The following CAMTA1 variants were observed in gnomAD, a reference collection of about 807,000 sequenced individuals.
The protein encoded by CAMTA1 is calmodulin binding transcription activator 1, also known as calmodulin-binding transcription activator 1.
Under a neutral mutation model 170.9 loss-of-function variants are expected in CAMTA1, and 27 were observed. The observed-to-expected ratio is 0.16, with a 90% confidence interval of 0.12 to 0.22. The LOEUF is 0.22. Among genes scored for constraint, CAMTA1 ranks in the 10% least tolerant of loss-of-function variants. The pLI, the probability that CAMTA1 is intolerant of heterozygous loss-of-function variation, is 1.00. For missense variants in CAMTA1, 1,619 were observed against 2,217.2 expected (o/e 0.73, Z 5.42); for synonymous variants, 833 against 891.5 (o/e 0.93, Z 1.17).
At chr1:7,282,443 G>A (rs1203889682) in intron 5 of CAMTA1, among the ~76,000 whole-genome samples, 2 of 152,196 alleles carry the variant, frequency 1.3e-5, no homozygotes, top group East Asian at 3.8e-4. Flanking sequence ...CAGGCCAGCA[G>A]GGACCAGCGA....
chr1:6,871,943 G>A (rs1668512145), intron 3 of CAMTA1: 1 of 1,330,838 alleles, frequency 7.5e-7, no homozygotes, highest in African/African-American at 1.5e-5. Flanking sequence ...CTCAAATAGA[G>A]ATACCCCTTT....
intron 5 of CAMTA1, among the ~76,000 whole-genome samples, chr1:7,253,790 G>A (rs942925966): frequency 6.6e-6 from 1 of 152,076 alleles, no homozygotes; most frequent in Non-Finnish European, 1.5e-5. Context: ...CGGGGTACTC[G>A]GGTGGGGCCT....
In CAMTA1 at chr1:7,455,081, T is replaced by G. The variant is rs1394353222; in HGVS notation, c.439-12749T>G. On this transcript the variant is annotated intron_variant, in intron 5 of 22. Coordinates refer to ENST00000303635, the MANE Select transcript of CAMTA1 (RefSeq NM_015215.4). The surrounding 1 kb of genome is among the most constrained non-coding windows in gnomAD (Gnocchi z 5.0). ...GCCCTGGGGGCATCCAGGGCCGGCC[T>G]GGCTGGGGCAGCGCATCTGCAGGTG... is the stretch of plus-strand genomic sequence containing the variant. Among the ~76,000 whole-genome samples the G allele has an allele frequency of 1.3e-5, 2 of 152,166 alleles. No homozygotes were observed. The highest frequency in any genetic ancestry group is 3.9e-4 in the East Asian group (2 of 5,176).
intron 4 of CAMTA1, among the ~76,000 whole-genome samples, chr1:7,175,849 A>G (rs1310972137): frequency 6.6e-6 from 1 of 152,226 alleles, no homozygotes; most frequent in African/African-American, 2.4e-5. Flanking sequence ...GCCTGAAGCC[A>G]TGTGGGTTTC....
Position 7,455,536 on chromosome 1 carries a change from G to A in CAMTA1, c.439-12294G>A, listed in dbSNP as rs1369236281. Among the ~76,000 whole-genome samples the A allele has an allele frequency of 2.0e-5, 3 of 152,172 alleles. No homozygotes were observed. Among genetic ancestry groups the A allele is most frequent in the East Asian group, 1.9e-4 (1 of 5,186 alleles). The stretch of plus-strand genomic sequence containing the variant: ...TAACATAGCCACAGACCGGCCCGGC[G>A]TTTCCCTCCACCTGCTTCATAAGCA... On this transcript the variant is annotated intron_variant, in intron 5 of 22. Transcript: ENST00000303635. The surrounding 1 kb of genome is among the most constrained non-coding windows in gnomAD (Gnocchi z 5.0).
chr1:7,655,777 G>A (rs188730180), intron 7 of CAMTA1, among the ~76,000 whole-genome samples: 6 of 152,140 alleles, frequency 3.9e-5, no homozygotes, highest in South Asian at 4.2e-4. Flanking sequence ...ACCTATACAC[G>A]CGCACCTGTA....
intron 5 of CAMTA1, among the ~76,000 whole-genome samples, chr1:7,379,752 T>C (rs1364824530): frequency 2.0e-5 from 3 of 152,232 alleles, no homozygotes; most frequent in Non-Finnish European, 4.4e-5. Context: ...ACTGTCTTTG[T>C]TTCTGACACC....
At chr1:7,477,745 C>A (rs572400298) in intron 6 of CAMTA1, among the ~76,000 whole-genome samples, 2 of 152,314 alleles carry the variant, frequency 1.3e-5, no homozygotes, top group South Asian at 4.1e-4. Flanking sequence ...TCAGAGGGTC[C>A]CCTTGCAGGC....
At chr1:7,117,606 T>TC (rs1308710427) in intron 4 of CAMTA1, among the ~76,000 whole-genome samples, 1 of 151,966 alleles carries the variant, frequency 6.6e-6, no homozygotes, top group African/African-American at 2.4e-5. Flanking sequence ...AATAACTGGC[T>TC]CCCCCCTAGT....
chr1:6,921,069 A>G (rs1372674618), intron 3 of CAMTA1, among the ~76,000 whole-genome samples: 1 of 152,226 alleles, frequency 6.6e-6, no homozygotes, highest in Non-Finnish European at 1.5e-5. Context: ...TTTCTTTTCA[A>G]TTGCATTGCA....
intron 3 of CAMTA1, among the ~76,000 whole-genome samples, chr1:6,953,680 G>A (rs1327811338): frequency 6.6e-6 from 1 of 152,166 alleles, no homozygotes; most frequent in East Asian, 1.9e-4. Context: ...ATATAAGATG[G>A]AAAAACCCAA....
At chr1:7,210,777 C>T (rs1040987326) in intron 4 of CAMTA1, among the ~76,000 whole-genome samples, 1 of 152,150 alleles carries the variant, frequency 6.6e-6, no homozygotes, top group South Asian at 2.1e-4. Flanking sequence ...CGTTTATACC[C>T]ATATGGACTC....
chr1:7,132,857 T>C (rs1243911693), intron 4 of CAMTA1, among the ~76,000 whole-genome samples: 1 of 152,234 alleles, frequency 6.6e-6, no homozygotes, highest in East Asian at 1.9e-4. Flanking sequence ...TCTGTACCTA[T>C]TGACGTGATC....
intron 4 of CAMTA1, among the ~76,000 whole-genome samples, chr1:7,190,726 A>G (rs550450595): frequency 6.6e-6 from 1 of 152,344 alleles, no homozygotes; most frequent in East Asian, 1.9e-4. Flanking sequence ...ATCCTCAATC[A>G]TGGGGCCACA....
At chr1:6,796,714 C>G (rs897891061) in intron 1 of CAMTA1, among the ~76,000 whole-genome samples, 1 of 152,090 alleles carries the variant, frequency 6.6e-6, no homozygotes, top group East Asian at 1.9e-4. Context: ...ACTCGTGTAG[C>G]TGTTGACTCC....
intron 3 of CAMTA1, among the ~76,000 whole-genome samples, chr1:6,910,561 TG>T (rs1268474539): frequency 6.6e-6 from 1 of 152,172 alleles, no homozygotes; most frequent in Non-Finnish European, 1.5e-5. Context: ...AAAATGCTAA[TG>T]TAACTTGACT....
chr1:7,628,502 C>T (rs912419493), intron 6 of CAMTA1, among the ~76,000 whole-genome samples: 3 of 152,224 alleles, frequency 2.0e-5, no homozygotes, highest in African/African-American at 4.8e-5. Flanking sequence ...CCATGAGCCA[C>T]GTGGCCGTGA....
At chr1:7,109,719 C>T (rs17030322) in intron 4 of CAMTA1, among the ~76,000 whole-genome samples, 23,801 of 152,124 alleles carry the variant, frequency 0.16, 2,452 homozygotes, top group African/African-American at 0.29. Context: ...ACAGTAAAAA[C>T]GGGCAGATGA....
In CAMTA1 at chr1:7,642,097, C is replaced by G. The variant is rs1221542978; in HGVS notation, c.664+1544C>G. Reference sequence around the variant, plus strand: ...TTTCCCTCAGCTCTCAGCCTCTCCACAGGCCCTCCCACCACCCAGCTGGGC... The same window carrying G: ...TTTCCCTCAGCTCTCAGCCTCTCCAGAGGCCCTCCCACCACCCAGCTGGGC... On this transcript the variant is annotated intron_variant, in intron 7 of 22. Transcript: ENST00000303635. This position sits in a 1 kb window ranked among gnomAD's most constrained non-coding sequence, Gnocchi z 6.3. 6.6e-6 allele frequency among the ~76,000 whole-genome samples: 1 copy of G among 152,126 alleles called. No homozygotes were observed. The highest frequency in any genetic ancestry group is 2.4e-5 in the African/African-American group (1 of 41,440).
Sources: allele counts gnomAD v4.1 joint callset (sites outside exome capture counted in the v4.1 genomes callset), GRCh38; gene constraint gnomAD v4.1.1; non-coding constraint Gnocchi (gnomAD v3.1); transcripts MANE v1.5; gene names NCBI Gene and HGNC (gene_info 2026-07-23, HGNC 2026-07-21).